The following ACSL1 variants were observed in gnomAD, a reference collection of about 807,000 sequenced individuals.
ACSL1 encodes acyl-CoA synthetase long chain family member 1.
A neutral mutation model predicts 98.4 loss-of-function variants in ACSL1; 41 were observed. The observed-to-expected ratio is 0.42, with a 90% confidence interval of 0.32 to 0.54. ACSL1 has a LOEUF of 0.54. Among genes scored for constraint, ACSL1 ranks in the 20% least tolerant of loss-of-function variants. The pLI, the probability that ACSL1 is intolerant of heterozygous loss-of-function variation, is 0.13. For synonymous variants in ACSL1, 316 were observed against 322.7 expected (o/e 0.98, Z 0.22); for missense variants, 734 against 883.1 (o/e 0.83, Z 2.14).
intron 1 of ACSL1, among the ~76,000 whole-genome samples, chr4:184,806,630 A>T (rs1310012805): frequency 6.6e-6 from 1 of 152,226 alleles, no homozygotes; most frequent in Non-Finnish European, 1.5e-5. Context: ...AGCAGTAGCC[A>T]TGCTATAGAC....
chr4:184,795,583 T>C (rs1216630258), intron 2 of ACSL1, among the ~76,000 whole-genome samples: 1 of 152,178 alleles, frequency 6.6e-6, no homozygotes, highest in African/African-American at 2.4e-5. Flanking sequence ...TGTGGCCTGG[T>C]CTTGGCATAA....
chr4:184,778,149 CT>C (rs1561198409), intron 5 of ACSL1, among the ~76,000 whole-genome samples: 1 of 152,228 alleles, frequency 6.6e-6, no homozygotes, highest in Non-Finnish European at 1.5e-5. Context: ...ACTGCCCTAC[CT>C]ACTGGACAAA....
Position 184,773,522 on chromosome 4 carries a change from C to G in ACSL1, c.841+141G>C. On this transcript the variant is annotated intron_variant, in intron 9 of 20. Transcript: ENST00000281455. The surrounding 1 kb of genome is among the most constrained non-coding windows in gnomAD (Gnocchi z 4.3). ...ACTCTGAGAAGATCTTACAGAGCAA[C>G]AAGAAGACAGCACTTGAACCGCTTC... The G allele has an allele frequency of 1.3e-6, 1 of 761,962 alleles. No homozygotes were observed. The highest frequency in any genetic ancestry group is 2.1e-6 in the Non-Finnish European group (1 of 468,634). The allele number at this position is 761,962 out of a possible 1,614,324, so 47.2% of individuals were successfully genotyped here.
In ACSL1 at chr4:184,766,252, G is replaced by A. The variant is rs1371831898; in HGVS notation, c.1264-266C>T. ...TTTCAGGGAATTAGAACACAACTGG[G>A]CAGATCTGTGGCAACTACCACAATT... On this transcript the variant is annotated intron_variant, in intron 13 of 20. Coordinates refer to ENST00000281455, the MANE Select transcript of ACSL1 (RefSeq NM_001995.5). This position sits in a 1 kb window ranked among gnomAD's most constrained non-coding sequence, Gnocchi z 4.8. Among the ~76,000 whole-genome samples the A allele has an allele frequency of 6.6e-6, 1 of 152,166 alleles. No homozygotes were observed. The highest frequency in any genetic ancestry group is 2.4e-5 in the African/African-American group (1 of 41,426).
At chr4:184,787,462 T>C (rs1490436825) in intron 3 of ACSL1, among the ~76,000 whole-genome samples, 1 of 152,156 alleles carries the variant, frequency 6.6e-6, no homozygotes. Context: ...ATGAAAATGA[T>C]AGACTAGGAA....
At chr4:184,776,712 T>G (rs753764391) in intron 6 of ACSL1, 50 bp from the exon 7 acceptor site, 2 of 1,577,912 alleles carry the variant, frequency 1.3e-6, no homozygotes, top group East Asian at 4.5e-5. Flanking sequence ...TGTTAAAAGA[T>G]TCACTCTGTC....
Position 184,776,880 on chromosome 4 carries a change from G to A in ACSL1, c.577+4C>T, listed in dbSNP as rs532801706. ...AATAATCCAGGCAAAGATCACAGAC[G>A]TACCTTTGTTGACTATGTACGTGAT... On this transcript the variant is annotated splice_donor_region_variant and intron_variant, in intron 6 of 20. Coordinates refer to ENST00000281455, the MANE Select transcript of ACSL1 (RefSeq NM_001995.5). 17 of 1,613,062 alleles carry A rather than the reference G, an allele frequency of 1.1e-5. No homozygotes were observed. The highest frequency in any genetic ancestry group is 4.5e-5 in the East Asian group (2 of 44,874).
rs1773374643 is a variant in ACSL1 at position 184,825,245 on chromosome 4, C to T, written c.-33+671G>A. ...CTACCGCCACTCTCCGTCTACGCTG[C>T]CAGGTGACAGACATCATCTTTGCTT... On this transcript the variant is annotated intron_variant, in intron 1 of 20. Transcript: ENST00000281455. The surrounding 1 kb of genome is among the most constrained non-coding windows in gnomAD (Gnocchi z 4.7). 1 of 985,432 alleles carries T rather than the reference C, an allele frequency of 1.0e-6. No homozygotes were observed. The highest frequency in any genetic ancestry group is 1.2e-6 in the Non-Finnish European group (1 of 829,910). The allele number at this position is 985,432 out of a possible 1,614,324, so 61.0% of individuals were successfully genotyped here. A position where few individuals can be genotyped will look rare whatever the true frequency, so the allele number is the denominator to read the frequency against.
chr4:184,778,148 C>A (rs886979443), intron 5 of ACSL1, among the ~76,000 whole-genome samples: 1 of 152,228 alleles, frequency 6.6e-6, no homozygotes, highest in Non-Finnish European at 1.5e-5. Flanking sequence ...CACTGCCCTA[C>A]CTACTGGACA....
At chr4:184,771,123 CA>C (rs368526745) in intron 10 of ACSL1, among the ~76,000 whole-genome samples, 17 of 145,160 alleles carry the variant, frequency 1.2e-4, no homozygotes, top group East Asian at 2.0e-4. Context: ...GACTCTGAAT[CA>C]AAAAAAAAAG....
Position 184,773,082 on chromosome 4 carries a change from T to C in ACSL1, c.914A>G (p.Glu305Gly). ...GATGACGACATCCCAAAAAGTTACCTCTGTTGCTTTCACAAAAGCTGAACA... is the reference window on the plus strand; with the variant it reads ...GATGACGACATCCCAAAAAGTTACCCCTGTTGCTTTCACAAAAGCTGAACA... ...SDCSAFVKAT[E>G]NTVNPCPDDT... Residue 305 changes from glutamate to glycine, a missense_variant and splice_region_variant, in exon 10 of 21, where the codon GAG becomes GGG. By Grantham distance (98) the Glu-to-Gly change is moderately conservative (BLOSUM62 -2). Transcript: ENST00000281455. This position sits in a 1 kb window ranked among gnomAD's most constrained non-coding sequence, Gnocchi z 4.3. The C allele has an allele frequency of 6.2e-7, 1 of 1,613,704 alleles. No homozygotes were observed. Among genetic ancestry groups the C allele is most frequent in the Non-Finnish European group, 8.5e-7 (1 of 1,179,614 alleles).
chr4:184,809,608 C>T (rs1281509134), intron 1 of ACSL1, among the ~76,000 whole-genome samples: 18 of 151,804 alleles, frequency 1.2e-4, no homozygotes, highest in South Asian at 4.2e-4. Flanking sequence ...CTGGCTAACA[C>T]GGTGAAACTC....
In ACSL1 at chr4:184,757,740, G is replaced by A; in HGVS notation, c.1885-34C>T. ...GTAAGAAAAATAAATTACTTCCTCT[G>A]TTAGAGGTCCCTGAATATCTACAGG... is the stretch of plus-strand genomic sequence containing the variant. On this transcript the variant is annotated intron_variant, in intron 19 of 20. Transcript: ENST00000281455. This position sits in a 1 kb window ranked among gnomAD's most constrained non-coding sequence, Gnocchi z 4.5. The A allele has an allele frequency of 3.7e-6, 6 of 1,610,862 alleles. No individual in the cohort carries two copies. Among genetic ancestry groups the A allele is most frequent in the Non-Finnish European group, 5.1e-6 (6 of 1,177,198 alleles).
intron 1 of ACSL1, among the ~76,000 whole-genome samples, chr4:184,824,937 G>T (rs1773348394): frequency 6.6e-6 from 1 of 152,158 alleles, no homozygotes; most frequent in South Asian, 2.1e-4. Context: ...TGAAATGGGT[G>T]GCAGAAACTG....
chr4:184,781,136 A>T (rs1250795310), intron 4 of ACSL1, among the ~76,000 whole-genome samples: 1 of 147,726 alleles, frequency 6.8e-6, no homozygotes, highest in Non-Finnish European at 1.5e-5. Context: ...CAGGAGGCTG[A>T]GGCAGAATTG....
At chr4:184,811,668 C>T (rs991465985) in intron 1 of ACSL1, among the ~76,000 whole-genome samples, 3 of 151,858 alleles carry the variant, frequency 2.0e-5, no homozygotes, top group East Asian at 3.9e-4. Flanking sequence ...GAGGAATGAG[C>T]GTTATTGCTG....
Position 184,770,464 on chromosome 4 carries a change from G to C in ACSL1, c.928C>G (p.Pro310Ala), listed in dbSNP as rs1223419523. 6.4e-7 allele frequency: 1 copy of C among 1,556,280 alleles called. No homozygotes were observed. Among genetic ancestry groups the C allele is most frequent in the South Asian group, 1.1e-5 (1 of 90,462 alleles). The change falls in exon 11 of 21, where the codon CCT becomes GCT. Residue 310 changes from proline to alanine, a missense_variant. By Grantham distance (27) the Pro-to-Ala change is conservative. Coordinates refer to ENST00000281455, the MANE Select transcript of ACSL1 (RefSeq NM_001995.5). ...FVKATENTVN[P>A]CPDDTLISFL... is the part of the protein sequence containing the mutation. ...GATATCAAAGTATCATCTGGGCAAG[G>C]ATTGACTGTATTCTGTAAGCAAAGA...
intron 7 of ACSL1, among the ~76,000 whole-genome samples, chr4:184,774,867 T>G (rs1356264246): frequency 6.6e-6 from 1 of 152,180 alleles, no homozygotes; most frequent in Non-Finnish European, 1.5e-5. Flanking sequence ...AACTAATATA[T>G]CCAATTAGAG....
intron 2 of ACSL1, among the ~76,000 whole-genome samples, chr4:184,794,523 C>T (rs1471478614): frequency 6.6e-6 from 1 of 152,196 alleles, no homozygotes; most frequent in Non-Finnish European, 1.5e-5. Context: ...GCAGAACTAT[C>T]CTGACACTGG....
Sources: allele counts gnomAD v4.1 joint callset (sites outside exome capture counted in the v4.1 genomes callset), GRCh38; gene constraint gnomAD v4.1.1; non-coding constraint Gnocchi (gnomAD v3.1); transcripts MANE v1.5; gene names NCBI Gene and HGNC (gene_info 2026-07-23, HGNC 2026-07-21).